Variants in SBK1 observed in about 807,000 individuals in gnomAD.
The protein encoded by SBK1 is SH3 domain binding kinase 1, also known as serine/threonine-protein kinase SBK1.
SBK1 carries 11 observed loss-of-function variants against 24.4 expected under a neutral mutation model. That is an observed-to-expected ratio of 0.45 (90% CI 0.28 to 0.75). The LOEUF is 0.75. Among genes scored for constraint, SBK1 ranks in the 30% least tolerant of loss-of-function variants. The pLI is 0.12. For missense variants in SBK1, 467 were observed against 620.5 expected (o/e 0.75, Z 2.63); for synonymous variants, 308 against 284.4 (o/e 1.08, Z -0.83).
chr16:28,305,016 C>A (rs2044706348), intron 1 of SBK1, among the ~76,000 whole-genome samples: 1 of 150,330 alleles, frequency 6.7e-6, no homozygotes, highest in East Asian at 2.0e-4. Context: ...TTCAAGTGAT[C>A]CTCCCACCTC....
At position 28,320,604 on chromosome 16, in the gene SBK1, G is replaced by A. The variant is rs1352502305; in HGVS notation, c.958G>A (p.Glu320Lys). 3 of 1,436,474 alleles carry A rather than the reference G, an allele frequency of 2.1e-6. No individual in the cohort carries two copies. The highest frequency in any genetic ancestry group is 1.5e-5 in the African/African-American group (1 of 66,452). The allele number at this position is 1,436,474 out of a possible 1,614,324, so 89.0% of individuals were successfully genotyped here. Residue 320 changes from glutamate (E) to lysine (K), a missense_variant, in exon 4 of 4, where the codon GAG (glutamate) becomes AAG (lysine). By Grantham distance (56) the Glu-to-Lys change is moderately conservative. This residue lies in a region of SBK1 where 86 missense variants were observed against 121.7 expected (regional missense o/e 0.71). Coordinates refer to ENST00000341901, the MANE Select transcript of SBK1 (RefSeq NM_001024401.3). This position sits in a 1 kb window ranked among gnomAD's most constrained non-coding sequence, Gnocchi z 8.5. ...FRFLKHELTS[E>K]LRRRPSHRAR... The stretch of plus-strand genomic sequence containing the variant: ...CTTCCTCAAGCACGAGCTCACGTCC[G>A]AGCTGCGCCGCCGGCCCTCGCACCG...
At position 28,273,489 on chromosome 16, in the gene SBK1, G is replaced by A. The variant is rs554657672; in HGVS notation, c.257+13987G>A. Among the ~76,000 whole-genome samples the A allele has an allele frequency of 3.3e-5, 5 of 152,330 alleles. No individual in the cohort carries two copies. In the South Asian group the frequency reaches 8.3e-4, roughly 25 times the overall value. On this transcript the variant is annotated intron_variant, in intron 1 of 3. Coordinates refer to the SBK1 transcript ENST00000671413. The stretch of plus-strand genomic sequence containing the variant: ...TCCGCCTGCCTCGGCCTCCCAAAGT[G>A]CTGGGATTACAGGCATGAGCCACCA...
At chr16:28,274,039 T>C (rs2044482518) in intron 1 of SBK1, among the ~76,000 whole-genome samples, 1 of 152,196 alleles carries the variant, frequency 6.6e-6, no homozygotes, top group Admixed American at 6.5e-5. Flanking sequence ...GATCAGTGGT[T>C]GCCAGGGGGC....
rs1456778453 is a variant in SBK1, at chr16:28,319,394, C to A, written c.429+197C>A. Among the ~76,000 whole-genome samples, 1 of 152,080 alleles carries A rather than the reference C, an allele frequency of 6.6e-6. No individual in the cohort carries two copies. The highest frequency in any genetic ancestry group is 6.6e-5 in the Admixed American group (1 of 15,262). ...CTAGTGGGAAACTGACACTCCACAGCGGGCCAGATAATAACAGATGGAGAT... is the reference window on the plus strand; with the variant it reads ...CTAGTGGGAAACTGACACTCCACAGAGGGCCAGATAATAACAGATGGAGAT... On this transcript the variant is annotated intron_variant, in intron 3 of 3. Coordinates refer to ENST00000341901, the MANE Select transcript of SBK1 (RefSeq NM_001024401.3). This position sits in a 1 kb window ranked among gnomAD's most constrained non-coding sequence, Gnocchi z 4.0.
intron 2 of SBK1, among the ~76,000 whole-genome samples, chr16:28,318,375 T>A (rs147422022): frequency 4.3e-4 from 65 of 152,384 alleles, no homozygotes; most frequent in African/African-American, 1.4e-3. Flanking sequence ...ACTTGCTTGC[T>A]GTGTGACCTT....
At chr16:28,265,362 C>T (rs1440750306) in intron 1 of SBK1, among the ~76,000 whole-genome samples, 2 of 151,940 alleles carry the variant, frequency 1.3e-5, no homozygotes, top group African/African-American at 4.8e-5. Flanking sequence ...GAGGTTACAC[C>T]GAGCCATGAT....
In SBK1 at chr16:28,323,535, G is replaced by T. The variant is rs1203258915; in HGVS notation, c.*2614G>T. 4 of 152,708 alleles carry T rather than the reference G, an allele frequency of 2.6e-5. No homozygotes were observed. Among genetic ancestry groups the T allele is most frequent in the Non-Finnish European group, 5.9e-5 (4 of 68,066 alleles). 9.5% of individuals were successfully genotyped at this position (152,708 alleles called of 1,614,324 possible). ...CCCCTGGATGGGAGGCGGGGCCACA[G>T]GTCGGCTAGAGGGTCTCCACCAGGC... On this transcript the variant is annotated 3_prime_UTR_variant, in exon 4 of 4. Coordinates refer to ENST00000341901, the MANE Select transcript of SBK1 (RefSeq NM_001024401.3).
intron 1 of SBK1, among the ~76,000 whole-genome samples, chr16:28,295,712 G>A (rs950183534): frequency 1.3e-5 from 2 of 151,958 alleles, no homozygotes; most frequent in Non-Finnish European, 2.9e-5. Flanking sequence ...AAAAAAAGTC[G>A]GGGGGAGGCA....
chr16:28,267,982 T>TA (rs1020796475), intron 1 of SBK1, among the ~76,000 whole-genome samples: 2 of 151,966 alleles, frequency 1.3e-5, no homozygotes, highest in Non-Finnish European at 2.9e-5. Context: ...ACCTTGTCTC[T>TA]AAAAAAAGGT....
intron 1 of SBK1, among the ~76,000 whole-genome samples, chr16:28,282,618 G>A (rs1375149423): frequency 3.7e-4 from 5 of 13,344 alleles, no homozygotes; most frequent in South Asian, 5.2e-3. Flanking sequence ...GGGGGCCTGG[G>A]AACAAGTGTG....
At chr16:28,305,448 G>C (rs1336865190) in intron 1 of SBK1, among the ~76,000 whole-genome samples, 1 of 151,870 alleles carries the variant, frequency 6.6e-6, no homozygotes, top group Non-Finnish European at 1.5e-5. Context: ...CTGACCTCAG[G>C]TGATCCGCCT....
Position 28,320,873 on chromosome 16 carries a change from G to A in SBK1, c.1227G>A (p.Lys409=). 1.3e-6 allele frequency: 2 copies of A among 1,504,154 alleles called. No individual in the cohort carries two copies. The highest frequency in any genetic ancestry group is 1.8e-6 in the Non-Finnish European group (2 of 1,131,350). The allele number at this position is 1,504,154 out of a possible 1,614,324, so 93.2% of individuals were successfully genotyped here. A position where few individuals can be genotyped will look rare whatever the true frequency, so the allele number is the denominator to read the frequency against. The change falls in exon 4 of 4, where the codon AAG becomes AAA. Residue 409 remains lysine, a synonymous_variant. Transcript: ENST00000341901. This position sits in a 1 kb window ranked among gnomAD's most constrained non-coding sequence, Gnocchi z 8.5. ...PPGRTDGRAD[K]SKGQVVLATA... The stretch of plus-strand genomic sequence containing the variant: ...GCCGGACCGACGGCCGCGCGGACAA[G>A]AGCAAAGGGCAGGTGGTGCTGGCCA...
chr16:28,316,261 A>G (rs1207220665), intron 1 of SBK1, among the ~76,000 whole-genome samples: 1 of 152,120 alleles, frequency 6.6e-6, no homozygotes, highest in African/African-American at 2.4e-5. Context: ...TGATGATGCA[A>G]TCATGGCCCT....
chr16:28,275,939 A>C (rs935519821), intron 1 of SBK1, among the ~76,000 whole-genome samples: 4 of 152,094 alleles, frequency 2.6e-5, no homozygotes, highest in Non-Finnish European at 5.9e-5. Flanking sequence ...AGGGTAAAGA[A>C]AAAGAAAAAG....
At chr16:28,304,031 C>T (rs1290160896) in intron 1 of SBK1, among the ~76,000 whole-genome samples, 1 of 152,070 alleles carries the variant, frequency 6.6e-6, no homozygotes. Context: ...ATTCCAAACT[C>T]ACTCACCCTC....
Position 28,319,777 on chromosome 16 carries a change from G to A in SBK1, c.430-299G>A, listed in dbSNP as rs1020718772. 3.3e-5 allele frequency among the ~76,000 whole-genome samples: 5 copies of A among 152,108 alleles called. No homozygotes were observed. The highest frequency in any genetic ancestry group is 7.4e-5 in the Non-Finnish European group (5 of 68,012). On this transcript the variant is annotated intron_variant, in intron 3 of 3. Coordinates refer to ENST00000341901, the MANE Select transcript of SBK1 (RefSeq NM_001024401.3). The surrounding 1 kb of genome is among the most constrained non-coding windows in gnomAD (Gnocchi z 4.0). Reference sequence around the variant, plus strand: ...AAGTATCTAGCAGGCAGGGCAAAATGACAGCAGGTGGAGGGCGCCGCGGAC... The same window carrying A: ...AAGTATCTAGCAGGCAGGGCAAAATAACAGCAGGTGGAGGGCGCCGCGGAC...
chr16:28,275,929 A>G (rs2044491910), intron 1 of SBK1, among the ~76,000 whole-genome samples: 3 of 151,970 alleles, frequency 2.0e-5, no homozygotes, highest in Admixed American at 2.0e-4. Flanking sequence ...AAGGAAGGAA[A>G]GGGTAAAGAA....
intron 1 of SBK1, among the ~76,000 whole-genome samples, chr16:28,307,770 AAAG>A (rs1187097461): frequency 6.6e-6 from 1 of 151,862 alleles, no homozygotes; most frequent in Non-Finnish European, 1.5e-5. Flanking sequence ...GAAAGAAAGA[AAAG>A]AAAAAATAAA....
intron 1 of SBK1, among the ~76,000 whole-genome samples, chr16:28,268,054 G>A (rs923011068): frequency 6.6e-6 from 1 of 152,120 alleles, no homozygotes; most frequent in Non-Finnish European, 1.5e-5. Context: ...GGCTGAGGTG[G>A]GAGGATTGCT....
Sources: allele counts gnomAD v4.1 joint callset (sites outside exome capture counted in the v4.1 genomes callset), GRCh38; gene constraint gnomAD v4.1.1; regional missense constraint gnomAD v4.1.1; non-coding constraint Gnocchi (gnomAD v3.1); transcripts MANE v1.5; gene names NCBI Gene and HGNC (gene_info 2026-07-23, HGNC 2026-07-21).